Variants in CLSTN2 observed in about 807,000 individuals in gnomAD.
The protein encoded by CLSTN2 is calsyntenin-2.
CLSTN2 carries 48 observed loss-of-function variants against 101.2 expected under a neutral mutation model. The ratio of observed to expected loss-of-function variants is 0.47; its 90% confidence interval spans 0.38 to 0.60. The LOEUF (loss-of-function observed/expected upper bound fraction) is 0.60. Among genes scored for constraint, CLSTN2 ranks in the 20% least tolerant of loss-of-function variants. The pLI is 0.00. For synonymous variants in CLSTN2, 481 were observed against 463.6 expected (o/e 1.04, Z -0.48); for missense variants, 1,160 against 1,238.2 (o/e 0.94, Z 0.95).
chr3:140,459,801 C>G (rs1470324199), intron 7 of CLSTN2, 32 bp downstream of exon 7: 20 of 1,604,614 alleles, frequency 1.2e-5, no homozygotes, highest in Non-Finnish European at 1.7e-5. Context: ...TCCACCCCTC[C>G]TACCCCAGCA....
In CLSTN2 at chr3:140,383,506, A is replaced by G. The variant is rs565168001; in HGVS notation, c.233-20123A>G. ...AAAAACATACCATGCAGACTCCCCA[A>G]TCAATAAAAACATAGGTAATTCTGA... is the stretch of plus-strand genomic sequence containing the variant. On this transcript the variant is annotated intron_variant, in intron 2 of 16. Transcript: ENST00000458420. Among the ~76,000 whole-genome samples the G allele has an allele frequency of 1.2e-4, 19 of 152,354 alleles. No individual in the cohort carries two copies. In the South Asian group the frequency reaches 3.3e-3, roughly 27 times the overall value.
chr3:140,201,449 A>C (rs765235879), intron 2 of CLSTN2, among the ~76,000 whole-genome samples: 5 of 152,072 alleles, frequency 3.3e-5, no homozygotes, highest in Non-Finnish European at 5.9e-5. Context: ...ACAAAAATGC[A>C]GAGGATGTTC....
intron 7 of CLSTN2, among the ~76,000 whole-genome samples, chr3:140,463,254 T>C (rs553942225): frequency 6.6e-6 from 1 of 152,342 alleles, no homozygotes; most frequent in East Asian, 1.9e-4. Flanking sequence ...AGCCCTTTTC[T>C]GTCTCTGAGT....
At chr3:140,043,901 A>G (rs1256325844) in intron 1 of CLSTN2, among the ~76,000 whole-genome samples, 1 of 152,206 alleles carries the variant, frequency 6.6e-6, no homozygotes, top group Non-Finnish European at 1.5e-5. Flanking sequence ...TTTTGGTACC[A>G]GTACCATGCT....
At position 140,568,200 on chromosome 3, in the gene CLSTN2, T is replaced by C. The variant is rs1344950342; in HGVS notation, c.*1947T>C. On this transcript the variant is annotated 3_prime_UTR_variant, in exon 17 of 17. Coordinates refer to ENST00000458420, the MANE Select transcript of CLSTN2 (RefSeq NM_022131.3). ...AACAGACACTGCTGCAAACCTACTA[T>C]GTGCTAAGCATCCTACCAATAGCTG... 1 of 152,242 alleles carries C rather than the reference T, an allele frequency of 6.6e-6. No individual in the cohort carries two copies. The highest frequency in any genetic ancestry group is 2.4e-5 in the African/African-American group (1 of 41,454). 9.4% of individuals were successfully genotyped at this position (152,242 alleles called of 1,614,324 possible).
In CLSTN2 at chr3:140,005,077, T is replaced by C. The variant is rs559773192; in HGVS notation, c.109+69594T>C. On this transcript the variant is annotated intron_variant, in intron 1 of 16. Transcript: ENST00000458420. ...GGCTAGCCCTGGATCTTACACCCAC[T>C]AGAGAATGTGGAGCTGAAGCTGAGC... 2.0e-5 allele frequency among the ~76,000 whole-genome samples: 3 copies of C among 152,222 alleles called. No individual in the cohort carries two copies. In the East Asian group the frequency reaches 5.8e-4, roughly 29 times the overall value.
At chr3:140,204,755 C>T (rs2010758555) in intron 2 of CLSTN2, among the ~76,000 whole-genome samples, 1 of 152,180 alleles carries the variant, frequency 6.6e-6, no homozygotes, top group Admixed American at 6.5e-5. Flanking sequence ...GCAACGTGAG[C>T]CTTCTTGAGG....
chr3:140,348,090 A>G (rs1349602706), intron 2 of CLSTN2, among the ~76,000 whole-genome samples: 1 of 152,240 alleles, frequency 6.6e-6, no homozygotes, highest in Non-Finnish European at 1.5e-5. Context: ...CCTCCTAGAC[A>G]TACAAAGTTT....
At chr3:140,038,068 G>A (rs111765399) in intron 1 of CLSTN2, among the ~76,000 whole-genome samples, 7 of 152,136 alleles carry the variant, frequency 4.6e-5, no homozygotes, top group Admixed American at 4.6e-4. Context: ...ACCCAGTAAT[G>A]GGATTGCTGG....
intron 2 of CLSTN2, among the ~76,000 whole-genome samples, chr3:140,350,044 G>C (rs2087588775): frequency 6.6e-6 from 1 of 152,226 alleles, no homozygotes; most frequent in Admixed American, 6.5e-5. Context: ...TCAGGAGTTA[G>C]ACAAAGGCTG....
At chr3:140,260,158 T>TA (rs201787801) in intron 2 of CLSTN2, among the ~76,000 whole-genome samples, 2,732 of 146,758 alleles carry the variant, frequency 0.019, 48 homozygotes, top group African/African-American at 0.047. Context: ...ATATATATAT[T>TA]ATATATAAAA....
At chr3:140,361,344 A>G (rs74579949) in intron 2 of CLSTN2, among the ~76,000 whole-genome samples, 1 of 152,190 alleles carries the variant, frequency 6.6e-6, no homozygotes, top group Non-Finnish European at 1.5e-5. Flanking sequence ...AACCTCACAA[A>G]GAGCATTAAC....
At chr3:140,305,673 T>C (rs1174631996) in intron 2 of CLSTN2, among the ~76,000 whole-genome samples, 4 of 152,110 alleles carry the variant, frequency 2.6e-5, no homozygotes, top group African/African-American at 7.2e-5. Context: ...AAGAAGAACT[T>C]GGGGGGCCCT....
At chr3:140,061,357 C>G (rs2008201068) in intron 1 of CLSTN2, among the ~76,000 whole-genome samples, 1 of 152,158 alleles carries the variant, frequency 6.6e-6, no homozygotes, top group South Asian at 2.1e-4. Context: ...ATGAGAAAAG[C>G]TAAATCAAAC....
chr3:140,283,706 C>A (rs1405695215), intron 2 of CLSTN2, among the ~76,000 whole-genome samples: 1 of 152,162 alleles, frequency 6.6e-6, no homozygotes, highest in Admixed American at 6.5e-5. Flanking sequence ...GAAAGCCTTT[C>A]CTCCTCAGAC....
chr3:140,006,816 A>C (rs573342864), intron 1 of CLSTN2, among the ~76,000 whole-genome samples: 2 of 152,302 alleles, frequency 1.3e-5, no homozygotes, highest in African/African-American at 4.8e-5. Context: ...GTACTCAGTA[A>C]ATAGTAGCTC....
intron 1 of CLSTN2, among the ~76,000 whole-genome samples, chr3:139,970,051 C>G (rs907376761): frequency 3.9e-5 from 6 of 152,138 alleles, no homozygotes; most frequent in African/African-American, 1.4e-4. Context: ...TGTCATTAGG[C>G]TATTTCTGGA....
intron 1 of CLSTN2, among the ~76,000 whole-genome samples, chr3:140,066,773 C>T (rs1027441165): frequency 6.6e-6 from 1 of 152,186 alleles, no homozygotes; most frequent in Non-Finnish European, 1.5e-5. Context: ...AGATGCATTA[C>T]CTTTCACTCA....
chr3:140,256,832 G>A (rs954503551), intron 2 of CLSTN2, among the ~76,000 whole-genome samples: 1 of 152,180 alleles, frequency 6.6e-6, no homozygotes, highest in Non-Finnish European at 1.5e-5. Flanking sequence ...AATGCATTGA[G>A]GTTTTTTGGT....
Sources: gnomAD v4.1 joint callset for allele counts (sites outside exome capture counted in the v4.1 genomes callset) on GRCh38, gnomAD v4.1.1 for gene constraint, MANE v1.5 for transcripts, NCBI Gene and HGNC (gene_info 2026-07-23, HGNC 2026-07-21) for gene names.